Variants in TMEM131 observed in about 807,000 individuals in gnomAD.
The protein encoded by TMEM131 is 2610524E03Rik.
In TMEM131, 66 loss-of-function variants were observed where a neutral mutation model predicts 211.6. That is an observed-to-expected ratio of 0.31 (90% CI 0.26 to 0.38). The LOEUF (loss-of-function observed/expected upper bound fraction) is 0.38, where lower values mean the gene tolerates loss of function less well. Ranked by LOEUF, TMEM131 falls within the 10% of genes least tolerant of loss-of-function variation. The pLI is 1.00. For synonymous variants in TMEM131, 844 were observed against 841.3 expected (o/e 1.00, Z -0.06); for missense variants, 2,036 against 2,299.3 (o/e 0.89, Z 2.34).
chr2:97,779,806 G>GGT (rs1209084354), intron 31 of TMEM131, among the ~76,000 whole-genome samples: 1 of 152,188 alleles, frequency 6.6e-6, no homozygotes, highest in Non-Finnish European at 1.5e-5. Context: ...CTTGAGGCCA[G>GGT]GTGTTCCAGA....
chr2:97,838,751 G>GT lies in TMEM131; in HGVS notation c.724-1595dup, dbSNP rs1372628553. Among the ~76,000 whole-genome samples the GT allele has an allele frequency of 4.6e-5, 7 of 151,932 alleles. No homozygotes were observed. In the South Asian group the frequency reaches 6.2e-4, roughly 13 times the overall value. ...AGCCACTGCGCCTGGACCCTTAAAGGTTTTTTTTGTTTGTTTGTTTTTTTG... is the reference window on the plus strand; with the variant it reads ...AGCCACTGCGCCTGGACCCTTAAAGGTTTTTTTTTGTTTGTTTGTTTTTTTG... On this transcript the variant is annotated intron_variant, in intron 7 of 40. Coordinates refer to ENST00000186436, the MANE Select transcript of TMEM131 (RefSeq NM_015348.2).
intron 1 of TMEM131, among the ~76,000 whole-genome samples, chr2:97,983,207 GC>G (rs1170640524): frequency 2.0e-5 from 3 of 152,060 alleles, no homozygotes; most frequent in Non-Finnish European, 4.4e-5. Context: ...CTACGTTTGT[GC>G]CTTCGTTCAG....
At chr2:97,815,618 T>C (rs1479991104) in intron 12 of TMEM131, among the ~76,000 whole-genome samples, 1 of 152,214 alleles carries the variant, frequency 6.6e-6, no homozygotes, top group African/African-American at 2.4e-5. Flanking sequence ...GCAGAATTTC[T>C]CATCCTTGGC....
intron 36 of TMEM131, 79 bp downstream of exon 36, chr2:97,761,956 G>C: frequency 7.0e-7 from 1 of 1,425,132 alleles, no homozygotes; most frequent in Non-Finnish European, 9.3e-7. Context: ...TGGCCGCTAA[G>C]TGTTTCCATT....
chr2:97,766,725 G>A (rs1353306227), intron 33 of TMEM131, 123 bp from the exon 34 acceptor site: 86 of 1,187,404 alleles, frequency 7.2e-5, no homozygotes, highest in East Asian at 9.8e-5. Flanking sequence ...GCTTCCTGGG[G>A]CGTTATCTAC....
At chr2:97,775,757 C>T in intron 32 of TMEM131, 86 bp downstream of exon 32, 2 of 1,426,628 alleles carry the variant, frequency 1.4e-6, no homozygotes, top group Non-Finnish European at 9.4e-7. Context: ...TGTACTAAAA[C>T]CAGAATCTAT....
At chr2:97,938,619 T>C (rs939004726) in intron 1 of TMEM131, among the ~76,000 whole-genome samples, 2 of 152,060 alleles carry the variant, frequency 1.3e-5, no homozygotes, top group Non-Finnish European at 2.9e-5. Flanking sequence ...GACAGATCAA[T>C]GAGACAGAAA....
At chr2:97,764,832 TGCCA>T (rs1158113160) in intron 35 of TMEM131, 1 of 152,248 alleles carries the variant, frequency 6.6e-6, no homozygotes, top group African/African-American at 2.4e-5. Flanking sequence ...GTGGGGATGC[TGCCA>T]GCCAGTTTGT....
intron 3 of TMEM131, among the ~76,000 whole-genome samples, chr2:97,891,728 A>AAG (rs1270328859): frequency 6.6e-6 from 1 of 152,148 alleles, no homozygotes; most frequent in Non-Finnish European, 1.5e-5. Context: ...ACCTAAACAA[A>AAG]AGATACTCTT....
chr2:97,931,268 C>A (rs1167119687), intron 1 of TMEM131, among the ~76,000 whole-genome samples: 2 of 151,812 alleles, frequency 1.3e-5, no homozygotes, highest in African/African-American at 4.9e-5. Flanking sequence ...AAGCTCCTCA[C>A]ACCGACCCAC....
intron 28 of TMEM131, 78 bp from the exon 29 acceptor site, chr2:97,795,193 A>G (rs1680701334): frequency 6.9e-6 from 7 of 1,016,172 alleles, no homozygotes; most frequent in Non-Finnish European, 9.9e-6. Flanking sequence ...TGGTCCTATA[A>G]GCCTTTGAAA....
Position 97,760,575 on chromosome 2 carries a change from A to AGTG in TMEM131, c.5108+15_5108+17dup. ...GAAGCCTTCCGTCTTTCTAGCGGTT[A>AGTG]GTGGTGGTCTACCGTACCTGTCTGA... On this transcript the variant is annotated intron_variant, in intron 38 of 40. Transcript: ENST00000186436. 1 of 1,600,244 alleles carries AGTG rather than the reference A, an allele frequency of 6.2e-7. No individual in the cohort carries two copies. The highest frequency in any genetic ancestry group is 8.5e-7 in the Non-Finnish European group (1 of 1,172,356).
At chr2:97,806,156 G>T (rs376607023) in intron 19 of TMEM131, among the ~76,000 whole-genome samples, 1 of 152,148 alleles carries the variant, frequency 6.6e-6, no homozygotes, top group African/African-American at 2.4e-5. Context: ...TTAAAAGAAA[G>T]TCTCTTCATT....
At chr2:97,842,361 ATAT>A (rs1672389272) in intron 6 of TMEM131, among the ~76,000 whole-genome samples, 1 of 152,202 alleles carries the variant, frequency 6.6e-6, no homozygotes, top group African/African-American at 2.4e-5. Flanking sequence ...AATTCAAATG[ATAT>A]TATTAATATA....
At chr2:97,800,895 G>A (rs1488391128) in intron 25 of TMEM131, among the ~76,000 whole-genome samples, 2 of 152,144 alleles carry the variant, frequency 1.3e-5, no homozygotes, top group East Asian at 1.9e-4. Flanking sequence ...TCCCAGAGCC[G>A]CGCATGAGGC....
At chr2:97,765,704 A>G (rs1335993754) in intron 35 of TMEM131, among the ~76,000 whole-genome samples, 1 of 152,234 alleles carries the variant, frequency 6.6e-6, no homozygotes, top group Non-Finnish European at 1.5e-5. Context: ...AGTTGAGAGG[A>G]TGGAATTCTT....
chr2:97,811,074 GGACT>G, intron 18 of TMEM131, 50 bp downstream of exon 18: 1 of 1,233,828 alleles, frequency 8.1e-7, no homozygotes, highest in Non-Finnish European at 1.2e-6. Flanking sequence ...AGACAAGAAA[GGACT>G]GACTTATTCA....
chr2:97,795,432 TC>T (rs1324163392), intron 28 of TMEM131, among the ~76,000 whole-genome samples: 2 of 152,170 alleles, frequency 1.3e-5, no homozygotes, highest in Non-Finnish European at 2.9e-5. Context: ...CATGCTCTTT[TC>T]CCAGGCTACA....
chr2:97,829,853 C>T (rs1434908720), intron 11 of TMEM131, among the ~76,000 whole-genome samples: 1 of 152,108 alleles, frequency 6.6e-6, no homozygotes, highest in Admixed American at 6.5e-5. Context: ...TCATCAACAA[C>T]AAGCACAATA....
Sources: gnomAD v4.1 joint callset for allele counts (sites outside exome capture counted in the v4.1 genomes callset) on GRCh38, gnomAD v4.1.1 for gene constraint, MANE v1.5 for transcripts, NCBI Gene and HGNC (gene_info 2026-07-23, HGNC 2026-07-21) for gene names.